DNAH14: variants seen among roughly 807,000 people sequenced by gnomAD.
DNAH14 encodes axonemal beta dynein heavy chain 14.
In DNAH14, 478 loss-of-function variants were observed where a neutral mutation model predicts 520.9. The ratio of observed to expected loss-of-function variants is 0.92; its 90% CI spans 0.85 to 0.99. The LOEUF (loss-of-function observed/expected upper bound fraction) is 0.99. Ranked by LOEUF, DNAH14 falls within the 50% of genes least tolerant of loss-of-function variation. DNAH14 has a pLI of 0.00. For synonymous variants in DNAH14, 1,581 were observed against 1,757.2 expected, an observed-to-expected ratio of 0.90 and a Z score of 2.51; for missense variants, 4,831 against 5,234.5, an observed-to-expected ratio of 0.92 and a Z score of 2.38.
At chr1:225,174,005 G>T (rs1034820738) in intron 36 of DNAH14, among the ~76,000 whole-genome samples, 2 of 152,012 alleles carry the variant, frequency 1.3e-5, no homozygotes, top group Non-Finnish European at 2.9e-5. Context: ...GCAAACTATC[G>T]CAAGGACAAA....
At chr1:225,177,116 T>G (rs2083420515) in intron 36 of DNAH14, among the ~76,000 whole-genome samples, 1 of 152,178 alleles carries the variant, frequency 6.6e-6, no homozygotes, top group Non-Finnish European at 1.5e-5. Flanking sequence ...TGAGGTATTT[T>G]CAAACAGAGA....
rs1435303970 is a variant in DNAH14, at chr1:225,100,833, A to C, written c.3816A>C (p.Glu1272Asp). Residue 1272 changes from glutamate to aspartate, a missense_variant, in exon 23 of 86, where the codon GAA (glutamate) becomes GAC (aspartate). Glu to Asp is a conservative substitution (Grantham distance 45, BLOSUM62 2). Coordinates refer to ENST00000682510, the MANE Select transcript of DNAH14 (RefSeq NM_001367479.1). ...LQITTSAGVL[E>D]ILQNCNIHLE... ...TAACCACTTCTGCAGGAGTCCTTGA[A>C]ATTCTGCAAAATTGTAATATACATC... 1.3e-6 allele frequency: 2 copies of C among 1,531,044 alleles called. No homozygotes were observed. The highest frequency in any genetic ancestry group is 2.5e-5 in the East Asian group (1 of 40,454). The allele number at this position is 1,531,044 out of a possible 1,614,324, so 94.8% of individuals were successfully genotyped here.
chr1:225,318,520 A>ATGCCCAT, intron 60 of DNAH14, 63 bp from the exon 61 acceptor site: 1 of 1,420,496 alleles, frequency 7.0e-7, no homozygotes, highest in Non-Finnish European at 9.4e-7. Context: ...TCAGCATACA[A>ATGCCCAT]AAATTTTAAA....
Position 225,360,851 on chromosome 1 carries a change from G to A in DNAH14, c.11947G>A (p.Ala3983Thr). 6.4e-7 allele frequency: 1 copy of A among 1,551,658 alleles called. No homozygotes were observed. Among genetic ancestry groups the A allele is most frequent in the South Asian group, 1.2e-5 (1 of 84,058 alleles). Residue 3983 changes from alanine (A) to threonine (T), a missense_variant, in exon 75 of 86, where the codon GCA (alanine) becomes ACA (threonine). Coordinates refer to ENST00000682510, the MANE Select transcript of DNAH14 (RefSeq NM_001367479.1). ...GGTCTTCCTCCAGAACTGCCATCTTGCAACATCATTTATGCCAAGGCTTTG... is the reference window on the plus strand; with the variant it reads ...GGTCTTCCTCCAGAACTGCCATCTTACAACATCATTTATGCCAAGGCTTTG... The part of the protein sequence containing the change: ...QWVFLQNCHL[A>T]TSFMPRLCTI...
chr1:224,965,680 C>T (rs930148812), intron 5 of DNAH14, among the ~76,000 whole-genome samples: 17 of 152,080 alleles, frequency 1.1e-4, no homozygotes, highest in Admixed American at 3.3e-4. Flanking sequence ...TCAGATTCAC[C>T]TGGTTTTGAA....
chr1:225,008,705 A>C lies in DNAH14; in HGVS notation c.1107+1161A>C, dbSNP rs191686420. On this transcript the variant is annotated intron_variant, in intron 10 of 85. Transcript: ENST00000682510. ...CTCCCAAAGTGCTGGGATTACAGGC[A>C]TGAGCCACCGCGCCTGGCCGTTTCC... Among the ~76,000 whole-genome samples, 757 of 150,786 alleles carry C rather than the reference A, an allele frequency of 5.0e-3. 6 individuals carry two copies. Among genetic ancestry groups the C allele is most frequent in the African/African-American group, 0.017 (715 of 40,970 alleles).
At chr1:225,378,774 G>A (rs770173899) in intron 79 of DNAH14, among the ~76,000 whole-genome samples, 15 of 151,778 alleles carry the variant, frequency 9.9e-5, no homozygotes, top group African/African-American at 2.2e-4. Flanking sequence ...CCAGCTACTC[G>A]GGAGGCTGAG....
chr1:225,317,886 G>A (rs1045229181), intron 60 of DNAH14, among the ~76,000 whole-genome samples: 2 of 152,096 alleles, frequency 1.3e-5, no homozygotes, highest in Non-Finnish European at 2.9e-5. Context: ...TGGGCTTAAT[G>A]TCACCCCACC....
intron 11 of DNAH14, among the ~76,000 whole-genome samples, chr1:225,026,442 G>C (rs921880680): frequency 6.6e-6 from 1 of 152,038 alleles, no homozygotes; most frequent in Non-Finnish European, 1.5e-5. Context: ...GATGGTATGA[G>C]ATAGGGTCCA....
rs917132485 is a variant in DNAH14 at position 225,346,024 on chromosome 1, G to A, written c.10741G>A (p.Glu3581Lys). The change falls in exon 70 of 86, where the codon GAA becomes AAA. Residue 3581 changes from glutamate (E) to lysine (K), a missense_variant. Coordinates refer to ENST00000682510, the MANE Select transcript of DNAH14 (RefSeq NM_001367479.1). ...TLRKSKMTSN[E>K]ISKRIEATKK... ...AAGAAAATCCAAAATGACATCAAACGAAATTTCAAAGCGCATCGAAGCAAC... is the reference window on the plus strand; with the variant it reads ...AAGAAAATCCAAAATGACATCAAACAAAATTTCAAAGCGCATCGAAGCAAC... 9 of 1,551,378 alleles carry A rather than the reference G, an allele frequency of 5.8e-6. No homozygotes were observed. The highest frequency in any genetic ancestry group is 7.8e-6 in the Non-Finnish European group (9 of 1,146,960).
chr1:225,306,939 A>G (rs2150104809), intron 58 of DNAH14, among the ~76,000 whole-genome samples: 1 of 152,192 alleles, frequency 6.6e-6, no homozygotes, highest in Admixed American at 6.5e-5. Flanking sequence ...ATGGGGGGAG[A>G]AAAAGCAAGA....
At chr1:225,324,906 A>C in intron 64 of DNAH14, 74 bp downstream of exon 64, 1 of 1,093,888 alleles carries the variant, frequency 9.1e-7, no homozygotes, top group Non-Finnish European at 1.3e-6. Flanking sequence ...AGAGCTTATC[A>C]GTTTCAGATA....
chr1:225,100,375 C>G (rs973608838), intron 22 of DNAH14, among the ~76,000 whole-genome samples: 8 of 152,176 alleles, frequency 5.3e-5, no homozygotes, highest in Non-Finnish European at 1.0e-4. Context: ...GATCCCATTT[C>G]TGCTCTAGAT....
chr1:224,970,265 G>A (rs1464868361), intron 7 of DNAH14, among the ~76,000 whole-genome samples: 2 of 152,086 alleles, frequency 1.3e-5, no homozygotes, highest in Non-Finnish European at 2.9e-5. Flanking sequence ...TTAGGACGAG[G>A]AAATTCCCGC....
intron 65 of DNAH14, among the ~76,000 whole-genome samples, chr1:225,332,771 G>A (rs1008994354): frequency 2.7e-5 from 4 of 149,456 alleles, no homozygotes; most frequent in African/African-American, 7.5e-5. Flanking sequence ...AAGGCTGGAG[G>A]ATTGCTTGAG....
At chr1:224,978,330 A>T (rs2062013948) in intron 8 of DNAH14, among the ~76,000 whole-genome samples, 1 of 152,252 alleles carries the variant, frequency 6.6e-6, no homozygotes, top group African/African-American at 2.4e-5. Flanking sequence ...AACCAGAAAA[A>T]AAAGATTAAA....
At chr1:225,137,615 C>A (rs1276245496) in intron 27 of DNAH14, among the ~76,000 whole-genome samples, 1 of 152,176 alleles carries the variant, frequency 6.6e-6, no homozygotes, top group Non-Finnish European at 1.5e-5. Context: ...CTCAGCCTCC[C>A]AGAGTGCTGG....
intron 42 of DNAH14, among the ~76,000 whole-genome samples, chr1:225,234,900 T>G (rs1574189176): frequency 6.6e-6 from 1 of 152,150 alleles, no homozygotes; most frequent in African/African-American, 2.4e-5. Context: ...GATTTTGTAT[T>G]CTCAGACTTT....
At chr1:225,203,462 C>T (rs985559905) in intron 38 of DNAH14, among the ~76,000 whole-genome samples, 14 of 152,148 alleles carry the variant, frequency 9.2e-5, no homozygotes, top group Admixed American at 3.3e-4. Context: ...ACTGTGCCCC[C>T]AGCATAGCTC....
Sources: allele counts gnomAD v4.1 joint callset (sites outside exome capture counted in the v4.1 genomes callset), GRCh38; gene constraint gnomAD v4.1.1; transcripts MANE v1.5; gene names NCBI Gene and HGNC (gene_info 2026-07-23, HGNC 2026-07-21).